The following PTPRD variants were observed in gnomAD, a reference collection of about 807,000 sequenced individuals.
PTPRD encodes the protein protein tyrosine phosphatase receptor type D, also known as receptor-type tyrosine-protein phosphatase delta.
PTPRD carries 34 observed loss-of-function variants against 214.5 expected under a neutral mutation model. That is an observed-to-expected ratio of 0.16 (90% CI 0.12 to 0.21). PTPRD has a LOEUF of 0.21. Ranked by LOEUF, PTPRD falls within the 10% of genes least tolerant of loss-of-function variation. PTPRD has a pLI of 1.00. For synonymous variants in PTPRD, 1,128 were observed against 845.7 expected (o/e 1.33, Z -5.79); for missense variants, 2,545 against 2,398.7 (o/e 1.06, Z -1.27).
chr9:10,335,898 C>T (rs2096835946), intron 3 of PTPRD, among the ~76,000 whole-genome samples: 1 of 151,832 alleles, frequency 6.6e-6, no homozygotes. Flanking sequence ...GATATCAGTA[C>T]GTACTTATTA....
intron 11 of PTPRD, among the ~76,000 whole-genome samples, chr9:8,894,938 G>A (rs2098596107): frequency 6.6e-6 from 1 of 152,178 alleles, no homozygotes; most frequent in Non-Finnish European, 1.5e-5. Context: ...GAGCCCAAGA[G>A]ATCTGCTTGT....
chr9:10,132,105 G>C (rs1188167230), intron 3 of PTPRD, among the ~76,000 whole-genome samples: 2 of 152,016 alleles, frequency 1.3e-5, no homozygotes, highest in East Asian at 1.9e-4. Context: ...GTTTCTATGA[G>C]TGATCAGCAG....
chr9:8,331,733 C>A lies in PTPRD; in HGVS notation c.5383G>T (p.Gly1795Cys). The A allele has an allele frequency of 6.3e-7, 1 of 1,590,006 alleles. No individual in the cohort carries two copies. Among genetic ancestry groups the A allele is most frequent in the Non-Finnish European group, 8.6e-7 (1 of 1,169,300 alleles). ...REFKVTDARD[G>C]QSRTVRQFQF... ...AACTGCCTTACTGTTCGGGACTGGC[C>A]GTCCTTTAGAAGGAAAGCCACATAC... is the stretch of plus-strand genomic sequence containing the variant. Residue 1795 changes from glycine to cysteine, a missense_variant, in exon 44 of 46, where the codon GGC becomes TGC. Physicochemically the swap from Gly to Cys is radical, Grantham distance 159 (BLOSUM62 -3). Coordinates refer to ENST00000381196, the MANE Select transcript of PTPRD (RefSeq NM_002839.4).
intron 7 of PTPRD, among the ~76,000 whole-genome samples, chr9:9,707,079 A>T (rs2097635300): frequency 6.6e-6 from 1 of 152,198 alleles, no homozygotes; most frequent in Non-Finnish European, 1.5e-5. Context: ...CCTTTTTATT[A>T]AAATTCCAAG....
chr9:9,425,716 G>A (rs1888890), intron 8 of PTPRD, among the ~76,000 whole-genome samples: 120,677 of 151,760 alleles, frequency 0.8, 48,145 homozygotes, highest in Non-Finnish European at 0.81. Flanking sequence ...TTGAGCAAAG[G>A]TAGCTTCTTG....
At chr9:9,152,378 C>T (rs2099877587) in intron 10 of PTPRD, among the ~76,000 whole-genome samples, 1 of 152,178 alleles carries the variant, frequency 6.6e-6, no homozygotes, top group African/African-American at 2.4e-5. Context: ...CTTATTCCAT[C>T]ACTGAAAGTA....
At chr9:9,405,759 T>A (rs538460264) in intron 8 of PTPRD, among the ~76,000 whole-genome samples, 2 of 152,140 alleles carry the variant, frequency 1.3e-5, no homozygotes, top group African/African-American at 4.8e-5. Context: ...TTTAACAAAA[T>A]GTATTTTCCC....
At chr9:8,871,868 T>G (rs1487735928) in intron 11 of PTPRD, among the ~76,000 whole-genome samples, 1 of 152,182 alleles carries the variant, frequency 6.6e-6, no homozygotes, top group Non-Finnish European at 1.5e-5. Context: ...AATCCACTGT[T>G]TGAAGCAGAA....
intron 39 of PTPRD, among the ~76,000 whole-genome samples, chr9:8,344,022 G>T (rs1855096099): frequency 6.6e-6 from 1 of 151,992 alleles, no homozygotes; most frequent in African/African-American, 2.4e-5. Context: ...TCTCTTTGCT[G>T]GTCTCCTGAT....
chr9:10,393,879 C>T (rs372151010), intron 2 of PTPRD, among the ~76,000 whole-genome samples: 33 of 148,170 alleles, frequency 2.2e-4, no homozygotes, highest in East Asian at 5.9e-4. Flanking sequence ...CCTTATGTGG[C>T]GAGTGACTAA....
intron 44 of PTPRD, among the ~76,000 whole-genome samples, chr9:8,326,118 C>A (rs537394611): frequency 6.6e-6 from 1 of 152,132 alleles, no homozygotes; most frequent in Non-Finnish European, 1.5e-5. Context: ...TGAATAGGAG[C>A]AGTGAGAGAG....
chr9:10,580,872 T>C (rs1364914002), intron 2 of PTPRD, among the ~76,000 whole-genome samples: 1 of 152,108 alleles, frequency 6.6e-6, no homozygotes, highest in East Asian at 1.9e-4. Context: ...CACACATAAA[T>C]CTTAATATAT....
chr9:9,313,005 C>T (rs567657322), intron 9 of PTPRD, among the ~76,000 whole-genome samples: 1 of 152,268 alleles, frequency 6.6e-6, no homozygotes, highest in African/African-American at 2.4e-5. Context: ...ATAATTATCT[C>T]ATTTTTATTA....
At chr9:10,261,731 G>T (rs1355169644) in intron 3 of PTPRD, among the ~76,000 whole-genome samples, 2 of 152,016 alleles carry the variant, frequency 1.3e-5, no homozygotes, top group African/African-American at 2.4e-5. Flanking sequence ...AGTAAGAAAC[G>T]AATGGAATCA....
At chr9:8,661,619 G>C (rs1320276473) in intron 12 of PTPRD, among the ~76,000 whole-genome samples, 1 of 152,080 alleles carries the variant, frequency 6.6e-6, no homozygotes, top group Non-Finnish European at 1.5e-5. Context: ...TTTTGTGCAT[G>C]AAAGCAGAAA....
At chr9:8,465,814 C>G in intron 31 of PTPRD, 139 bp from the exon 32 acceptor site, 1 of 669,688 alleles carries the variant, frequency 1.5e-6, no homozygotes. Flanking sequence ...ACATCAGCAT[C>G]ACTAAATCTC....
At chr9:8,566,792 C>T (rs562485146) in intron 14 of PTPRD, among the ~76,000 whole-genome samples, 5 of 152,232 alleles carry the variant, frequency 3.3e-5, no homozygotes, top group Admixed American at 2.6e-4. Flanking sequence ...AACATAGTTC[C>T]AGCCCATTCC....
chr9:10,398,214 A>G (rs913792629), intron 2 of PTPRD, among the ~76,000 whole-genome samples: 1 of 151,696 alleles, frequency 6.6e-6, no homozygotes, highest in African/African-American at 2.4e-5. Flanking sequence ...CCCTGTCATT[A>G]CAAATATTTA....
At chr9:8,860,403 G>A (rs1361621369) in intron 11 of PTPRD, 1 of 152,210 alleles carries the variant, frequency 6.6e-6, no homozygotes, top group Non-Finnish European at 1.5e-5. Context: ...ACACTGTGAA[G>A]TCCTAGATGT....
Sources: allele counts gnomAD v4.1 joint callset (sites outside exome capture counted in the v4.1 genomes callset), GRCh38; gene constraint gnomAD v4.1.1; transcripts MANE v1.5; gene names NCBI Gene and HGNC (gene_info 2026-07-23, HGNC 2026-07-21).